Variants in THSD4 observed in about 807,000 individuals in gnomAD.
THSD4 encodes thrombospondin type-1 domain-containing protein 4.
A neutral mutation model predicts 119.0 loss-of-function variants in THSD4; 69 were observed. That is an observed-to-expected ratio of 0.58 (90% CI 0.48 to 0.71). THSD4 has a LOEUF of 0.71. Ranked by LOEUF, THSD4 falls within the 30% of genes least tolerant of loss-of-function variation. The pLI is 0.00. For missense variants in THSD4, 1,393 were observed against 1,391.1 expected, an observed-to-expected ratio of 1.00 and a Z score of -0.02; for synonymous variants, 524 against 540.4, an observed-to-expected ratio of 0.97 and a Z score of 0.42.
At chr15:71,424,560 C>T (rs1325042900) in intron 7 of THSD4, among the ~76,000 whole-genome samples, 1 of 152,156 alleles carries the variant, frequency 6.6e-6, no homozygotes, top group African/African-American at 2.4e-5. Flanking sequence ...CTCACCCCAA[C>T]CCCTTTCTCC....
At chr15:71,497,254 T>TG (rs1222451596) in intron 7 of THSD4, among the ~76,000 whole-genome samples, 1 of 152,212 alleles carries the variant, frequency 6.6e-6, no homozygotes, top group Non-Finnish European at 1.5e-5. Flanking sequence ...GGCTTATGCC[T>TG]ATAATCCCAG....
At chr15:71,319,386 C>A (rs1400698546) in intron 6 of THSD4, among the ~76,000 whole-genome samples, 1 of 94,196 alleles carries the variant, frequency 1.1e-5, no homozygotes, top group African/African-American at 4.1e-5. Flanking sequence ...TGCTATCCCT[C>A]CCCCCTCCCC....
At chr15:71,148,985 G>A (rs1338339548) in intron 2 of THSD4, among the ~76,000 whole-genome samples, 3 of 151,986 alleles carry the variant, frequency 2.0e-5, no homozygotes, top group Non-Finnish European at 4.4e-5. Context: ...GTAGCCATCA[G>A]CTCTTTGTTG....
At chr15:71,194,912 A>C (rs1012019875) in intron 3 of THSD4, among the ~76,000 whole-genome samples, 1 of 152,046 alleles carries the variant, frequency 6.6e-6, no homozygotes, top group African/African-American at 2.4e-5. Context: ...GCCCTGGGAA[A>C]GTCGGCGGCC....
intron 7 of THSD4, among the ~76,000 whole-genome samples, chr15:71,651,213 C>A (rs1333069070): frequency 6.6e-6 from 1 of 152,228 alleles, no homozygotes; most frequent in African/African-American, 2.4e-5. Context: ...GAACATCCAT[C>A]TTCAGTCCAG....
intron 1 of THSD4, among the ~76,000 whole-genome samples, chr15:71,098,458 T>A (rs571771634): frequency 6.6e-6 from 1 of 152,196 alleles, no homozygotes; most frequent in South Asian, 2.1e-4. Flanking sequence ...GAGACAGGAT[T>A]TTGCCATATT....
intron 7 of THSD4, among the ~76,000 whole-genome samples, chr15:71,530,062 C>A (rs972781913): frequency 1.3e-5 from 2 of 152,170 alleles, no homozygotes; most frequent in African/African-American, 4.8e-5. Context: ...TTATTGATTT[C>A]TTCTTGCCAC....
At chr15:71,767,862 T>C (rs765129550) in intron 16 of THSD4, among the ~76,000 whole-genome samples, 2 of 152,198 alleles carry the variant, frequency 1.3e-5, no homozygotes, top group Admixed American at 1.3e-4. Flanking sequence ...ACAGAGCTCA[T>C]GTCCAAAGCA....
At chr15:71,098,506 G>C (rs1031103453) in intron 1 of THSD4, among the ~76,000 whole-genome samples, 8 of 152,012 alleles carry the variant, frequency 5.3e-5, no homozygotes, top group Non-Finnish European at 1.0e-4. Context: ...TCAAGCGATT[G>C]GCCTGCCTTG....
chr15:71,172,677 CTA>C (rs2043382770), intron 3 of THSD4, among the ~76,000 whole-genome samples: 1 of 22,150 alleles, frequency 4.5e-5, no homozygotes, highest in Non-Finnish European at 9.8e-5. Flanking sequence ...GAAAATAGAC[CTA>C]TACATATATA....
chr15:71,695,215 A>G (rs1394397057), intron 8 of THSD4, among the ~76,000 whole-genome samples: 3 of 152,144 alleles, frequency 2.0e-5, no homozygotes, highest in African/African-American at 7.2e-5. Context: ...ATTTCTTTAT[A>G]ATTGTATAAC....
chr15:71,370,148 T>C (rs923084142), intron 6 of THSD4, among the ~76,000 whole-genome samples: 4 of 152,252 alleles, frequency 2.6e-5, no homozygotes, highest in East Asian at 1.9e-4. Flanking sequence ...TCATTTTTCA[T>C]TGTGTCTATT....
At chr15:71,249,697 T>A (rs1055067873) in intron 5 of THSD4, among the ~76,000 whole-genome samples, 4 of 152,178 alleles carry the variant, frequency 2.6e-5, no homozygotes, top group Non-Finnish European at 5.9e-5. Flanking sequence ...GTAAGAAATA[T>A]CAGAACAGCA....
chr15:71,271,586 G>C (rs2140304011), intron 6 of THSD4, among the ~76,000 whole-genome samples: 1 of 152,262 alleles, frequency 6.6e-6, no homozygotes, highest in East Asian at 1.9e-4. Context: ...AAAATCCATT[G>C]AACTATACAC....
intron 7 of THSD4, among the ~76,000 whole-genome samples, chr15:71,652,954 C>T (rs922230701): frequency 6.6e-6 from 1 of 152,178 alleles, no homozygotes; most frequent in African/African-American, 2.4e-5. Context: ...AAATTTCCCT[C>T]CCTTTAAACA....
At chr15:71,343,621 G>A (rs1308066081) in intron 6 of THSD4, among the ~76,000 whole-genome samples, 1 of 151,346 alleles carries the variant, frequency 6.6e-6, no homozygotes, top group African/African-American at 2.4e-5. Flanking sequence ...TGCTCTGTGT[G>A]TTTCTGTGAC....
intron 6 of THSD4, among the ~76,000 whole-genome samples, chr15:71,333,524 T>C (rs1392265371): frequency 6.6e-6 from 1 of 152,184 alleles, no homozygotes; most frequent in African/African-American, 2.4e-5. Flanking sequence ...GCCAAGAGCC[T>C]TGTCATTCTG....
At chr15:71,261,998 C>T (rs904666473) in intron 6 of THSD4, among the ~76,000 whole-genome samples, 8 of 152,122 alleles carry the variant, frequency 5.3e-5, no homozygotes, top group East Asian at 1.9e-4. Flanking sequence ...GGCTGACCGG[C>T]GGGAGGAAGA....
intron 1 of THSD4, among the ~76,000 whole-genome samples, chr15:71,123,374 C>G (rs769741593): frequency 1.1e-4 from 16 of 152,316 alleles, no homozygotes; most frequent in Middle Eastern, 3.4e-3. Flanking sequence ...AGATTAATCT[C>G]TTTAAGCTTC....
Sources: allele counts gnomAD v4.1 joint callset (sites outside exome capture counted in the v4.1 genomes callset), GRCh38; gene constraint gnomAD v4.1.1; transcripts MANE v1.5; gene names NCBI Gene and HGNC (gene_info 2026-07-23, HGNC 2026-07-21).